The following KLRG1 variants were observed in gnomAD, a reference collection of about 807,000 sequenced individuals.
KLRG1 encodes the protein killer cell lectin like receptor G1.
In KLRG1, 16 loss-of-function variants were observed where a neutral mutation model predicts 21.8. The observed-to-expected ratio is 0.73, with a 90% CI of 0.50 to 1.11. The LOEUF is 1.11. Among genes scored for constraint, KLRG1 ranks in the 50% most tolerant of loss-of-function variants. The probability of loss-of-function intolerance (pLI) is 0.00; values close to 1 mark genes in which losing one functional copy is unlikely to be tolerated. For missense variants in KLRG1, 173 were observed against 218.3 expected (o/e 0.79, Z 1.31); for synonymous variants, 69 against 75.9 (o/e 0.91, Z 0.47).
At chr12:9,206,002 T>C in the KLRG1 span, among the ~76,000 whole-genome samples, 1 of 152,156 alleles carries the variant, frequency 6.6e-6, no homozygotes, top group African/African-American at 2.4e-5. Context: ...ATCATCCAAG[T>C]TTCAGATGAT....
At chr12:9,028,187 T>G in the KLRG1 span, 104 of 610,916 alleles carry the variant, frequency 1.7e-4, no homozygotes, top group East Asian at 2.6e-3. Context: ...GTCTGGCTCT[T>G]GTCACCTAGG....
upstream of KLRG1, among the ~76,000 whole-genome samples, chr12:8,986,000 C>G (rs1946837053): frequency 6.6e-6 from 1 of 152,050 alleles, no homozygotes; most frequent in Non-Finnish European, 1.5e-5. Context: ...AGAGGCCTTC[C>G]CCTTGGGGCC....
the KLRG1 span, chr12:9,203,728 G>A: frequency 3.2e-5 from 51 of 1,603,036 alleles, no homozygotes; most frequent in Admixed American, 1.0e-4. Flanking sequence ...TCAATAAAAT[G>A]TATCAAGCAG....
intron 2 of KLRG1, among the ~76,000 whole-genome samples, chr12:8,993,553 G>A (rs182398446): frequency 6.6e-6 from 1 of 152,136 alleles, no homozygotes; most frequent in Non-Finnish European, 1.5e-5. Flanking sequence ...CTCCCCAAGT[G>A]CTGGGATTAC....
chr12:9,037,347 C>G, the KLRG1 span: 1 of 152,338 alleles, frequency 6.6e-6, no homozygotes, highest in Non-Finnish European at 1.5e-5. Flanking sequence ...AACAAAGGCT[C>G]TAAACAAGAG....
chr12:9,094,120 T>C, the KLRG1 span, among the ~76,000 whole-genome samples: 1 of 152,006 alleles, frequency 6.6e-6, no homozygotes, highest in Non-Finnish European at 1.5e-5. Context: ...CAAGTTTCCA[T>C]TGGTGTGCTC....
the KLRG1 span, among the ~76,000 whole-genome samples, chr12:9,188,776 A>G: frequency 6.6e-6 from 1 of 152,230 alleles, no homozygotes; most frequent in Non-Finnish European, 1.5e-5. Context: ...TCCCATTCAC[A>G]ATTGTCACAG....
chr12:8,964,691 A>C (rs1188753985), intron 1 of KLRG1, among the ~76,000 whole-genome samples: 2 of 150,398 alleles, frequency 1.3e-5, no homozygotes, highest in Non-Finnish European at 3.0e-5. Context: ...GTAGGTCACT[A>C]AGGACTTGCT....
the KLRG1 span, chr12:9,160,309 C>T: frequency 6.2e-7 from 1 of 1,603,810 alleles, no homozygotes; most frequent in South Asian, 1.1e-5. Flanking sequence ...CTCTGTCTCA[C>T]TTACCAGTGA....
the KLRG1 span, chr12:9,116,127 CTT>C: frequency 1.1e-3 from 439 of 416,062 alleles, 2 homozygotes; most frequent in African/African-American, 8.4e-3. Flanking sequence ...TAAGAGCTCA[CTT>C]TTACCGTACA....
chr12:9,193,775 TAAAAC>T, the KLRG1 span, among the ~76,000 whole-genome samples: 22 of 152,242 alleles, frequency 1.4e-4, no homozygotes, highest in Admixed American at 1.4e-3. Flanking sequence ...AAAAATAACA[TAAAAC>T]AAAGTACATG....
the KLRG1 span, among the ~76,000 whole-genome samples, chr12:9,074,002 C>T: frequency 2.7e-5 from 4 of 150,322 alleles, no homozygotes; most frequent in African/African-American, 4.9e-5. Context: ...GCACTAGAAT[C>T]GCTTGAACCT....
chr12:9,064,888 G>T, the KLRG1 span: 1 of 152,498 alleles, frequency 6.6e-6, no homozygotes, highest in African/African-American at 2.4e-5. The surrounding 1 kb of genome is among the most constrained non-coding windows in gnomAD (Gnocchi z 4.0). Flanking sequence ...GCCTTGGGAG[G>T]AGGCTCTGAG....
intron 1 of KLRG1, among the ~76,000 whole-genome samples, chr12:8,960,252 A>G (rs1946361051): frequency 6.6e-6 from 1 of 152,178 alleles, no homozygotes; most frequent in African/African-American, 2.4e-5. Flanking sequence ...CTTCAGAGGG[A>G]GAGAGTGTGG....
At chr12:9,059,728 GA>G in the KLRG1 span, among the ~76,000 whole-genome samples, 3 of 152,136 alleles carry the variant, frequency 2.0e-5, no homozygotes, top group East Asian at 5.8e-4. Flanking sequence ...CTCTGTCACC[GA>G]GGCTGGAGTG....
the KLRG1 span, among the ~76,000 whole-genome samples, chr12:9,086,609 C>T: frequency 1.3e-5 from 2 of 152,160 alleles, no homozygotes; most frequent in African/African-American, 4.8e-5. Flanking sequence ...TGATAAAACT[C>T]TCACCAAATT....
the KLRG1 span, among the ~76,000 whole-genome samples, chr12:9,039,971 T>C: frequency 1.1e-3 from 167 of 152,194 alleles, 1 homozygote; most frequent in Admixed American, 9.2e-3. Flanking sequence ...AAAAAAGAAA[T>C]GATACCTTTC....
the KLRG1 span, among the ~76,000 whole-genome samples, chr12:9,117,179 G>A: frequency 1.3e-5 from 2 of 152,106 alleles, no homozygotes; most frequent in Admixed American, 6.5e-5. Flanking sequence ...TATTTGGTAT[G>A]GAGGAAATAT....
At chr12:8,967,087 A>C (rs1946485969) in intron 1 of KLRG1, among the ~76,000 whole-genome samples, 1 of 149,914 alleles carries the variant, frequency 6.7e-6, no homozygotes, top group African/African-American at 2.4e-5. Flanking sequence ...TTGCAAGGAC[A>C]AAAAACCAAA....
Sources: gnomAD v4.1 joint callset for allele counts (sites outside exome capture counted in the v4.1 genomes callset) on GRCh38, gnomAD v4.1.1 for gene constraint, Gnocchi (gnomAD v3.1) non-coding constraint, MANE v1.5 for transcripts, NCBI Gene and HGNC (gene_info 2026-07-23, HGNC 2026-07-21) for gene names.